The following FOXN3 variants were observed in gnomAD, a reference collection of about 807,000 sequenced individuals.
FOXN3 encodes forkhead box N3.
A neutral mutation model predicts 38.4 loss-of-function variants in FOXN3; 7 were observed. The observed-to-expected ratio is 0.18, with a 90% confidence interval of 0.10 to 0.34. FOXN3 has a LOEUF of 0.34. FOXN3 is among the 10% of genes least tolerant of loss of function. The pLI is 1.00. For missense variants in FOXN3, 456 were observed against 613.4 expected, an observed-to-expected ratio of 0.74 and a Z score of 2.71; for synonymous variants, 230 against 242.2, an observed-to-expected ratio of 0.95 and a Z score of 0.47.
At chr14:89,315,614 C>T (rs1309296797) in intron 3 of FOXN3, among the ~76,000 whole-genome samples, 1 of 152,166 alleles carries the variant, frequency 6.6e-6, no homozygotes, top group Non-Finnish European at 1.5e-5. Flanking sequence ...GAATTGCTGT[C>T]GAACAGAATG....
chr14:89,317,203 A>C (rs1887744769), intron 3 of FOXN3, among the ~76,000 whole-genome samples: 1 of 152,230 alleles, frequency 6.6e-6, no homozygotes, highest in South Asian at 2.1e-4. Flanking sequence ...TCTGACAGTG[A>C]GTGAGGAAGC....
chr14:89,336,104 C>T (rs1157223612), intron 3 of FOXN3, among the ~76,000 whole-genome samples: 1 of 151,096 alleles, frequency 6.6e-6, no homozygotes, highest in African/African-American at 2.4e-5. Context: ...CCTACATTCG[C>T]TTTTCGATTT....
intron 2 of FOXN3, among the ~76,000 whole-genome samples, chr14:89,386,236 C>T (rs948214507): frequency 6.6e-6 from 1 of 152,214 alleles, no homozygotes; most frequent in Non-Finnish European, 1.5e-5. Flanking sequence ...TTAATTGCTT[C>T]CTGTGCACAG....
At chr14:89,374,894 T>C (rs1481464610) in intron 2 of FOXN3, among the ~76,000 whole-genome samples, 1 of 151,620 alleles carries the variant, frequency 6.6e-6, no homozygotes, top group Non-Finnish European at 1.5e-5. Flanking sequence ...GGGGAATCGC[T>C]TGAATACAGG....
At chr14:89,347,255 C>T (rs938724493) in intron 3 of FOXN3, among the ~76,000 whole-genome samples, 8 of 152,142 alleles carry the variant, frequency 5.3e-5, no homozygotes, top group Non-Finnish European at 8.8e-5. Context: ...TAAGCCAATA[C>T]GACCAGTGTG....
At chr14:89,467,664 G>C (rs1253498860) in intron 1 of FOXN3, among the ~76,000 whole-genome samples, 3 of 149,984 alleles carry the variant, frequency 2.0e-5, no homozygotes, top group Admixed American at 6.7e-5. Context: ...GTGTTGCCCA[G>C]CTGCAGTCTC....
intron 2 of FOXN3, among the ~76,000 whole-genome samples, chr14:89,368,374 G>T (rs1379785235): frequency 1.3e-5 from 2 of 151,724 alleles, no homozygotes; most frequent in Non-Finnish European, 2.9e-5. Context: ...CAGGCACAGT[G>T]GCTCATACCT....
chr14:89,314,788 G>C (rs992803655), intron 3 of FOXN3, among the ~76,000 whole-genome samples: 1 of 152,104 alleles, frequency 6.6e-6, no homozygotes, highest in South Asian at 2.1e-4. Flanking sequence ...TACAGACACA[G>C]TCACTGAAGC....
chr14:89,433,212 G>A (rs570989600), intron 1 of FOXN3, among the ~76,000 whole-genome samples: 15 of 152,106 alleles, frequency 9.9e-5, no homozygotes, highest in South Asian at 4.2e-4. Flanking sequence ...TGCTGGGCAC[G>A]GTGGCTCACA....
chr14:89,289,308 C>T (rs190764730), intron 3 of FOXN3, among the ~76,000 whole-genome samples: 3 of 152,034 alleles, frequency 2.0e-5, no homozygotes, highest in South Asian at 2.1e-4. Flanking sequence ...GTAATACATC[C>T]ATGGCTTTTC....
chr14:89,207,551 T>TG (rs1330989774), intron 4 of FOXN3, among the ~76,000 whole-genome samples: 2 of 152,104 alleles, frequency 1.3e-5, no homozygotes, highest in Non-Finnish European at 2.9e-5. Flanking sequence ...CCTCATTACT[T>TG]GGGGGTGAAG....
intron 1 of FOXN3, among the ~76,000 whole-genome samples, chr14:89,435,927 C>T (rs1175815874): frequency 1.3e-5 from 2 of 152,198 alleles, no homozygotes; most frequent in East Asian, 1.9e-4. Context: ...CAGAAGATAA[C>T]ACTGACTAAA....
intron 4 of FOXN3, among the ~76,000 whole-genome samples, chr14:89,275,991 G>A (rs370186998): frequency 2.6e-5 from 4 of 152,282 alleles, no homozygotes; most frequent in African/African-American, 7.2e-5. Flanking sequence ...AGAAGTAAAC[G>A]GATGGCCAGG....
intron 2 of FOXN3, among the ~76,000 whole-genome samples, chr14:89,358,920 G>A (rs1206901950): frequency 6.6e-6 from 1 of 152,142 alleles, no homozygotes; most frequent in Admixed American, 6.5e-5. Flanking sequence ...CCATAAAATG[G>A]GAGTGAATTA....
chr14:89,369,069 A>G (rs568147559), intron 2 of FOXN3, among the ~76,000 whole-genome samples: 2 of 152,230 alleles, frequency 1.3e-5, no homozygotes, highest in Admixed American at 1.3e-4. Flanking sequence ...CACTCTACCA[A>G]TCTTCCTGGG....
chr14:89,444,007 CAAAAAAAAAA>C (rs569571116), intron 1 of FOXN3, among the ~76,000 whole-genome samples: 9 of 67,636 alleles, frequency 1.3e-4, no homozygotes, highest in East Asian at 1.0e-3. Flanking sequence ...GAAACTCTGT[CAAAAAAAAAA>C]AAAAAAAAAA....
intron 1 of FOXN3, among the ~76,000 whole-genome samples, chr14:89,601,613 G>T (rs574273825): frequency 2.1e-4 from 32 of 152,316 alleles, no homozygotes; most frequent in Non-Finnish European, 3.8e-4. Context: ...GTCTGTTTCA[G>T]CTGAGATTAT....
At chr14:89,344,939 G>A (rs917158115) in intron 3 of FOXN3, among the ~76,000 whole-genome samples, 7 of 152,138 alleles carry the variant, frequency 4.6e-5, no homozygotes, top group South Asian at 2.1e-4. Flanking sequence ...CTTTTCCGAA[G>A]AGGTACGGGC....
intron 1 of FOXN3, among the ~76,000 whole-genome samples, chr14:89,558,433 T>C (rs1596317257): frequency 6.6e-6 from 1 of 152,006 alleles, no homozygotes; most frequent in African/African-American, 2.4e-5. Context: ...GTGGGGCAGG[T>C]ATTAAGAAGC....
Sources: allele counts gnomAD v4.1 joint callset (sites outside exome capture counted in the v4.1 genomes callset), GRCh38; gene constraint gnomAD v4.1.1; transcripts MANE v1.5; gene names NCBI Gene and HGNC (gene_info 2026-07-23, HGNC 2026-07-21).